The following ATP6V0A1 variants were observed in gnomAD, a reference collection of about 807,000 sequenced individuals.
ATP6V0A1 encodes ATPase H+ transporting V0 subunit a1, also known as V-type proton ATPase 116 kDa subunit a 1.
In ATP6V0A1, 43 loss-of-function variants were observed where a neutral mutation model predicts 105.4. That is an observed-to-expected ratio of 0.41 (90% CI 0.32 to 0.53). The LOEUF is 0.53. ATP6V0A1 is among the 20% of genes least tolerant of loss of function. ATP6V0A1 has a pLI of 0.30. For synonymous variants in ATP6V0A1, 362 were observed against 372.8 expected (o/e 0.97, Z 0.33); for missense variants, 676 against 1,051.1 (o/e 0.64, Z 4.93).
chr17:42,514,852 G>A lies in ATP6V0A1; in HGVS notation c.2420+392G>A, dbSNP rs140226690. 3.4e-4 allele frequency among the ~76,000 whole-genome samples: 52 copies of A among 152,252 alleles called. No individual in the cohort carries two copies. In the East Asian group the frequency reaches 9.8e-3, roughly 29 times the overall value. ...AGCAGCTCTGGAATGTATGTTAAGT[G>A]CAGGAAAGGCTAGAACACGCTGCAC... is the stretch of plus-strand genomic sequence containing the variant. On this transcript the variant is annotated intron_variant, in intron 21 of 21. Coordinates refer to ENST00000343619, the MANE Select transcript of ATP6V0A1 (RefSeq NM_001130021.3).
At position 42,508,555 on chromosome 17, in the gene ATP6V0A1, A is replaced by G. The variant is rs1250850120; in HGVS notation, c.2113-17A>G. 6.2e-7 allele frequency: 1 copy of G among 1,613,926 alleles called. No individual in the cohort carries two copies. The highest frequency in any genetic ancestry group is 8.5e-7 in the Non-Finnish European group (1 of 1,179,868). ...TGTGGCGTGGCTCCCCACTAAGTGT[A>G]AATTTGTGTTTTCAAGCCTTCCGAG... On this transcript the variant is annotated splice_polypyrimidine_tract_variant and intron_variant, in intron 18 of 21. Coordinates refer to ENST00000343619, the MANE Select transcript of ATP6V0A1 (RefSeq NM_001130021.3).
intron 17 of ATP6V0A1, among the ~76,000 whole-genome samples, chr17:42,501,574 C>T (rs1388625998): frequency 2.0e-5 from 3 of 151,974 alleles, no homozygotes; most frequent in South Asian, 2.1e-4. Context: ...GCCACCACAC[C>T]TGGCTAATTC....
intron 21 of ATP6V0A1, 82 bp downstream of exon 21, chr17:42,514,542 A>G: frequency 7.3e-7 from 1 of 1,371,694 alleles, no homozygotes. Flanking sequence ...TCCCACACAC[A>G]GCCCTGCAGC....
At chr17:42,470,396 A>T in intron 5 of ATP6V0A1, 178 bp downstream of exon 5, 1 of 697,916 alleles carries the variant, frequency 1.4e-6, no homozygotes. Context: ...GTACACAACC[A>T]GCCATGGTTT....
chr17:42,495,861 C>T (rs2091109890), intron 14 of ATP6V0A1, 145 bp downstream of exon 14: 3 of 669,332 alleles, frequency 4.5e-6, no homozygotes, highest in South Asian at 3.6e-5. Context: ...TTTGGGAGGC[C>T]GAGGAGGTGG....
At chr17:42,518,212 C>G (rs3785897) in intron 21 of ATP6V0A1, 24,552 of 152,310 alleles carry the variant, frequency 0.16, 2,313 homozygotes, top group South Asian at 0.28. Flanking sequence ...AACCTGGTCT[C>G]TCCTTACCTA....
chr17:42,470,340 C>A, intron 5 of ATP6V0A1, 122 bp downstream of exon 5: 3 of 1,192,214 alleles, frequency 2.5e-6, no homozygotes, highest in Non-Finnish European at 3.6e-6. Flanking sequence ...TTTTTGCACC[C>A]TGTTTTAGTT....
intron 9 of ATP6V0A1, 33 bp from the exon 10 acceptor site, chr17:42,487,122 A>G (rs1031942762): frequency 1.9e-6 from 3 of 1,607,532 alleles, no homozygotes; most frequent in African/African-American, 2.7e-5. Flanking sequence ...TGGTGTTAAA[A>G]GGATCCCTCG....
rs545082915 is a variant in ATP6V0A1, at chr17:42,507,235, T to C, written c.2005-285T>C. The C allele has an allele frequency of 8.3e-5, 26 of 314,240 alleles. No homozygotes were observed. The East Asian group carries it at 9.3e-4, about 11-fold the overall frequency. 19.5% of individuals were successfully genotyped at this position (314,240 alleles called of 1,614,324 possible). ...TCATTCAAGCAGGATTCTCAATTAG[T>C]GTTGACCCAGGTGAGGCTGGTGCCT... On this transcript the variant is annotated intron_variant, in intron 17 of 21. Transcript: ENST00000343619.
intron 8 of ATP6V0A1, 194 bp downstream of exon 8, chr17:42,480,943 G>T (rs1391695245): frequency 1.3e-5 from 6 of 457,100 alleles, no homozygotes; most frequent in South Asian, 1.1e-4. Flanking sequence ...TGTTCAGATG[G>T]GGGGGTCTCA....
chr17:42,460,767 T>C (rs1269147357), intron 1 of ATP6V0A1, 81 bp from the exon 2 acceptor site: 1 of 715,712 alleles, frequency 1.4e-6, no homozygotes, highest in Admixed American at 2.2e-5. Context: ...GAAATGTAAA[T>C]GCAAGAGCCG....
At chr17:42,459,061 G>A (rs2086075675) in intron 1 of ATP6V0A1, 98 bp downstream of exon 1, 1 of 152,324 alleles carries the variant, frequency 6.6e-6, no homozygotes, top group Non-Finnish European at 1.5e-5. Context: ...GGAATTAGCG[G>A]GGATCTGACG....
intron 17 of ATP6V0A1, among the ~76,000 whole-genome samples, chr17:42,504,350 T>C (rs1187636197): frequency 6.6e-6 from 1 of 152,230 alleles, no homozygotes; most frequent in Non-Finnish European, 1.5e-5. Flanking sequence ...TCCTGTGTTC[T>C]GAAGAGATCA....
At chr17:42,470,260 A>G in intron 5 of ATP6V0A1, 42 bp downstream of exon 5, 1 of 1,601,510 alleles carries the variant, frequency 6.2e-7, no homozygotes, top group South Asian at 1.1e-5. Flanking sequence ...AGCTGATATT[A>G]TACTCACACA....
chr17:42,494,225 C>G, intron 11 of ATP6V0A1, 109 bp from the exon 12 acceptor site: 1 of 1,123,088 alleles, frequency 8.9e-7, no homozygotes, highest in Non-Finnish European at 1.2e-6. Flanking sequence ...CAGAGCAAGA[C>G]TCCATCTCAA....
intron 10 of ATP6V0A1, 139 bp from the exon 11 acceptor site, chr17:42,490,348 T>G: frequency 4.1e-4 from 290 of 711,906 alleles, no homozygotes; most frequent in Non-Finnish European, 5.3e-4. Context: ...TTAGTTTTAT[T>G]GAGATATAAT....
Position 42,514,426 on chromosome 17 carries a change from C to T in ATP6V0A1, c.2386C>T (p.Leu796Phe). The change falls in exon 21 of 22, where the codon CTC becomes TTC. Residue 796 changes from leucine (L) to phenylalanine (F), a missense_variant. Physicochemically the swap from Leu to Phe is conservative, Grantham distance 22. Coordinates refer to ENST00000343619, the MANE Select transcript of ATP6V0A1 (RefSeq NM_001130021.3). ...TVAILLIMEGLSAFLHALRLH... is the reference protein window; with the variant it reads ...TVAILLIMEGFSAFLHALRLH... Reference sequence around the variant, plus strand: ...GGCCATCCTCCTGATCATGGAGGGCCTCTCGGCCTTTCTCCACGCACTGCG... The same window carrying T: ...GGCCATCCTCCTGATCATGGAGGGCTTCTCGGCCTTTCTCCACGCACTGCG... 1 of 1,611,154 alleles carries T rather than the reference C, an allele frequency of 6.2e-7. No individual in the cohort carries two copies. The highest frequency in any genetic ancestry group is 8.5e-7 in the Non-Finnish European group (1 of 1,178,662).
At chr17:42,467,767 G>A (rs1479205487) in intron 3 of ATP6V0A1, among the ~76,000 whole-genome samples, 1 of 152,158 alleles carries the variant, frequency 6.6e-6, no homozygotes, top group Non-Finnish European at 1.5e-5. Context: ...AAAGAAGGCA[G>A]TTGTGGGATG....
intron 12 of ATP6V0A1, 137 bp from the exon 13 acceptor site, chr17:42,494,897 G>A (rs1280089155): frequency 1.2e-6 from 1 of 856,902 alleles, no homozygotes; most frequent in Middle Eastern, 2.4e-4. Context: ...ATTGTATTTT[G>A]GTTTTTACTT....
Sources: allele counts gnomAD v4.1 joint callset (sites outside exome capture counted in the v4.1 genomes callset), GRCh38; gene constraint gnomAD v4.1.1; transcripts MANE v1.5; gene names NCBI Gene and HGNC (gene_info 2026-07-23, HGNC 2026-07-21).